The following WDR25 variants were observed in gnomAD, a reference collection of about 807,000 sequenced individuals.
WDR25 encodes WD repeat-containing protein 25.
WDR25 carries 35 observed loss-of-function variants against 47.7 expected under a neutral mutation model. The observed-to-expected ratio is 0.73, with a 90% CI of 0.56 to 0.97. The LOEUF is 0.97. Ranked by LOEUF, WDR25 falls within the 50% of genes least tolerant of loss-of-function variation. WDR25 has a pLI of 0.00. For synonymous variants in WDR25, 248 were observed against 278.9 expected, an observed-to-expected ratio of 0.89 and a Z score of 1.10; for missense variants, 634 against 704.7, an observed-to-expected ratio of 0.90 and a Z score of 1.14.
At chr14:100,459,999 A>C (rs1034146906) in intron 2 of WDR25, among the ~76,000 whole-genome samples, 3 of 146,866 alleles carry the variant, frequency 2.0e-5, no homozygotes, top group African/African-American at 7.5e-5. Context: ...AAGAAGGGGG[A>C]CACTTCCCAA....
intron 4 of WDR25, among the ~76,000 whole-genome samples, chr14:100,507,651 G>GTTTT (rs763908066): frequency 8.7e-4 from 114 of 130,774 alleles, no homozygotes; most frequent in African/African-American, 3.1e-3. Context: ...AGGTATTTGT[G>GTTTT]TTTTTTTTTT....
At chr14:100,491,843 C>T (rs1017247817) in intron 4 of WDR25, among the ~76,000 whole-genome samples, 4 of 152,212 alleles carry the variant, frequency 2.6e-5, no homozygotes, top group Non-Finnish European at 5.9e-5. Context: ...GACCACAGCC[C>T]TGTAACCTCA....
At chr14:100,471,801 A>G (rs2140301790) in intron 3 of WDR25, among the ~76,000 whole-genome samples, 1 of 152,358 alleles carries the variant, frequency 6.6e-6, no homozygotes, top group East Asian at 1.9e-4. Context: ...TCATTAATTT[A>G]TAGTTCTGAC....
intron 2 of WDR25, among the ~76,000 whole-genome samples, chr14:100,422,961 C>A (rs1320768317): frequency 6.6e-6 from 1 of 152,088 alleles, no homozygotes; most frequent in East Asian, 1.9e-4. Flanking sequence ...GAGTTTATTG[C>A]AAACTATTAT....
In WDR25 at chr14:100,529,468, C is replaced by T. The variant is rs1027102177; in HGVS notation, c.1413+260C>T. On this transcript the variant is annotated intron_variant, in intron 6 of 6. Coordinates refer to ENST00000402312, the MANE Select transcript of WDR25 (RefSeq NM_001161476.3). The surrounding 1 kb of genome is among the most constrained non-coding windows in gnomAD (Gnocchi z 5.1). Reference sequence around the variant, plus strand: ...AGGTCTCAGAAGTGGGGGGCAGGAACAGGACAAAATGGTCATGGGTGTCAT... The same window carrying T: ...AGGTCTCAGAAGTGGGGGGCAGGAATAGGACAAAATGGTCATGGGTGTCAT... The T allele has an allele frequency of 1.7e-6, 1 of 605,928 alleles. No homozygotes were observed. Among genetic ancestry groups the T allele is most frequent in the South Asian group, 2.0e-5 (1 of 49,536 alleles). 37.5% of individuals were successfully genotyped at this position (605,928 alleles called of 1,614,324 possible). A position where few individuals can be genotyped will look rare whatever the true frequency, so the allele number is the denominator to read the frequency against.
chr14:100,391,389 G>A lies in WDR25; in HGVS notation c.822+9643G>A, dbSNP rs142476751. Among the ~76,000 whole-genome samples, 146 of 152,256 alleles carry A rather than the reference G, an allele frequency of 9.6e-4. 1 individual carries two copies. The highest frequency in any genetic ancestry group is 7.1e-3 in the East Asian group (37 of 5,180). Reference sequence around the variant, plus strand: ...ATTAAGGAGCAGCGCCGCGGTCCCCGGCAGCCAGCTTCGTGATGCTCCCCC... The same window carrying A: ...ATTAAGGAGCAGCGCCGCGGTCCCCAGCAGCCAGCTTCGTGATGCTCCCCC... On this transcript the variant is annotated intron_variant, in intron 2 of 6. Coordinates refer to ENST00000402312, the MANE Select transcript of WDR25 (RefSeq NM_001161476.3).
chr14:100,411,602 T>G (rs1196614553), intron 2 of WDR25, among the ~76,000 whole-genome samples: 1 of 151,658 alleles, frequency 6.6e-6, no homozygotes, highest in Non-Finnish European at 1.5e-5. Context: ...AATGGTGCAG[T>G]CTTGGCTCAC....
At position 100,498,686 on chromosome 14, in the gene WDR25, C is replaced by T. The variant is rs1328962225; in HGVS notation, c.1101+14562C>T. ...CCTCAGTCCCTGCGTCCTCCTCTTC[C>T]AGGGCCAACATGTGAGGTTGTGCAG... is the stretch of plus-strand genomic sequence containing the variant. On this transcript the variant is annotated intron_variant, in intron 4 of 6. Transcript: ENST00000402312. The surrounding 1 kb of genome is among the most constrained non-coding windows in gnomAD (Gnocchi z 4.2). Among the ~76,000 whole-genome samples, 2 of 152,186 alleles carry T rather than the reference C, an allele frequency of 1.3e-5. No individual in the cohort carries two copies. Among genetic ancestry groups the T allele is most frequent in the African/African-American group, 4.8e-5 (2 of 41,442 alleles).
chr14:100,420,776 G>T (rs1595521425), intron 2 of WDR25, among the ~76,000 whole-genome samples: 1 of 152,204 alleles, frequency 6.6e-6, no homozygotes, highest in African/African-American at 2.4e-5. Context: ...AACCCAACTC[G>T]AGTGGCTTCA....
At chr14:100,376,519 C>A (rs1887499877) in intron 1 of WDR25, 24 bp downstream of exon 1, 7 of 1,231,810 alleles carry the variant, frequency 5.7e-6, no homozygotes, top group Admixed American at 8.4e-5. Context: ...GCGGCGGGCC[C>A]CGGGCTGGAG....
chr14:100,468,503 T>G lies in WDR25; in HGVS notation c.970+335T>G, dbSNP rs1899719099. Among the ~76,000 whole-genome samples, 1 of 152,232 alleles carries G rather than the reference T, an allele frequency of 6.6e-6. No homozygotes were observed. Among genetic ancestry groups the G allele is most frequent in the Non-Finnish European group, 1.5e-5 (1 of 68,042 alleles). ...TAGATTTAACTTTATCATTGTGTCCTTTGGTTGGAATCAGGTTAGAATTCC... is the reference window on the plus strand; with the variant it reads ...TAGATTTAACTTTATCATTGTGTCCGTTGGTTGGAATCAGGTTAGAATTCC... On this transcript the variant is annotated intron_variant, in intron 3 of 6. Transcript: ENST00000402312. This position sits in a 1 kb window ranked among gnomAD's most constrained non-coding sequence, Gnocchi z 4.5.
chr14:100,471,482 C>T (rs908418084), intron 3 of WDR25, among the ~76,000 whole-genome samples: 3 of 152,196 alleles, frequency 2.0e-5, no homozygotes, highest in African/African-American at 4.8e-5. Context: ...CTGTGGCTTT[C>T]GTCCCGCTTT....
intron 4 of WDR25, among the ~76,000 whole-genome samples, chr14:100,486,656 T>C (rs76829737): frequency 0.035 from 5,307 of 152,276 alleles, 223 homozygotes; most frequent in African/African-American, 0.097. Flanking sequence ...TCACTTCTTA[T>C]CCCTGTGGGC....
chr14:100,467,323 G>A (rs549554764), intron 2 of WDR25, among the ~76,000 whole-genome samples: 100 of 151,862 alleles, frequency 6.6e-4, no homozygotes, highest in African/African-American at 2.2e-3. Flanking sequence ...GGATGCAGGC[G>A]AGCCTGGGAT....
chr14:100,398,306 TTAA>T (rs1245564453), intron 2 of WDR25, among the ~76,000 whole-genome samples: 1 of 152,326 alleles, frequency 6.6e-6, no homozygotes, highest in African/African-American at 2.4e-5. Flanking sequence ...ACGCTGGAGT[TTAA>T]TAATTTACTT....
At chr14:100,435,669 A>C (rs1259377190) in intron 2 of WDR25, among the ~76,000 whole-genome samples, 1 of 152,102 alleles carries the variant, frequency 6.6e-6, no homozygotes, top group Non-Finnish European at 1.5e-5. Context: ...TCATTCGTTC[A>C]TTCATTCATT....
chr14:100,490,767 T>C (rs1250309201), intron 4 of WDR25, among the ~76,000 whole-genome samples: 1 of 152,234 alleles, frequency 6.6e-6, no homozygotes. Flanking sequence ...ATCTGAGAGA[T>C]GGCTTCGTCT....
chr14:100,486,501 C>A (rs188783267), intron 4 of WDR25, among the ~76,000 whole-genome samples: 22 of 152,262 alleles, frequency 1.4e-4, no homozygotes, highest in African/African-American at 4.8e-4. Context: ...TCACGGGGCT[C>A]GTTCCGTTTG....
At position 100,476,172 on chromosome 14, in the gene WDR25, G is replaced by C. The variant is rs114445372; in HGVS notation, c.971-7822G>C. Reference sequence around the variant, plus strand: ...TACAGATGAGGATACCAGGGCTGGAGAGGATTGCTGGCCGATGCAGGGCCA... The same window carrying C: ...TACAGATGAGGATACCAGGGCTGGACAGGATTGCTGGCCGATGCAGGGCCA... On this transcript the variant is annotated intron_variant, in intron 3 of 6. Transcript: ENST00000402312. Among the ~76,000 whole-genome samples the C allele has an allele frequency of 6.6e-3, 998 of 152,338 alleles. 12 individuals carry two copies. The highest frequency in any genetic ancestry group is 0.023 in the African/African-American group (956 of 41,580).
Sources: allele counts gnomAD v4.1 joint callset (sites outside exome capture counted in the v4.1 genomes callset), GRCh38; gene constraint gnomAD v4.1.1; non-coding constraint Gnocchi (gnomAD v3.1); transcripts MANE v1.5; gene names NCBI Gene and HGNC (gene_info 2026-07-23, HGNC 2026-07-21).